NALCN: variants seen among roughly 807,000 people sequenced by gnomAD.
The protein encoded by NALCN is sodium leak channel NALCN.
A neutral mutation model predicts 225.3 loss-of-function variants in NALCN; 111 were observed. The ratio of observed to expected loss-of-function variants is 0.49; its 90% CI spans 0.42 to 0.58. The LOEUF is 0.58. Among genes scored for constraint, NALCN ranks in the 20% least tolerant of loss-of-function variants. The pLI, the probability that NALCN is intolerant of heterozygous loss-of-function variation, is 0.00. For synonymous variants in NALCN, 764 were observed against 769.0 expected (o/e 0.99, Z 0.11); for missense variants, 1,378 against 2,202.4 (o/e 0.63, Z 7.49).
chr13:101,145,056 A>G (rs564226171), intron 15 of NALCN, among the ~76,000 whole-genome samples, 160 bp from the exon 16 acceptor site: 106 of 152,332 alleles, frequency 7.0e-4, no homozygotes, highest in Middle Eastern at 3.4e-3. Flanking sequence ...CCCGCCATAA[A>G]TTGCTCTATG....
intron 12 of NALCN, among the ~76,000 whole-genome samples, chr13:101,235,193 C>T (rs1213848586): frequency 3.3e-5 from 5 of 151,904 alleles, no homozygotes; most frequent in East Asian, 1.9e-4. Context: ...GTTAAATTCG[C>T]GTTATGACTT....
intron 10 of NALCN, among the ~76,000 whole-genome samples, chr13:101,277,673 G>A (rs776575616): frequency 6.6e-5 from 10 of 152,068 alleles, no homozygotes; most frequent in African/African-American, 9.7e-5. Context: ...ATTCATCCAT[G>A]CATTTGTGTA....
chr13:101,259,004 G>T (rs920101185), intron 10 of NALCN, among the ~76,000 whole-genome samples: 4 of 152,120 alleles, frequency 2.6e-5, no homozygotes, highest in African/African-American at 9.7e-5. Context: ...TATACAACTG[G>T]AAAAGTAAGA....
At chr13:101,203,205 TC>T (rs1361404163) in intron 13 of NALCN, among the ~76,000 whole-genome samples, 1 of 151,994 alleles carries the variant, frequency 6.6e-6, no homozygotes, top group African/African-American at 2.4e-5. Flanking sequence ...GTGGTTAAAT[TC>T]CGGAATTCCT....
At chr13:101,393,665 G>A (rs1361420052) in intron 3 of NALCN, among the ~76,000 whole-genome samples, 6 of 151,824 alleles carry the variant, frequency 4.0e-5, no homozygotes, top group African/African-American at 4.8e-5. Context: ...AAATTAGCCC[G>A]GGGTGGTGGC....
chr13:101,346,057 TTC>T (rs767899309), intron 6 of NALCN, among the ~76,000 whole-genome samples: 6,028 of 75,362 alleles, frequency 0.08, 335 homozygotes, highest in East Asian at 0.24. Flanking sequence ...TTGAGAGACT[TTC>T]TCTCTCTCTC....
intron 9 of NALCN, among the ~76,000 whole-genome samples, chr13:101,287,105 G>A (rs1566533690): frequency 6.6e-6 from 1 of 151,978 alleles, no homozygotes; most frequent in Non-Finnish European, 1.5e-5. Flanking sequence ...TCAAACATAT[G>A]CCCTTGGCTA....
At chr13:101,119,225 A>C (rs1401029497) in intron 18 of NALCN, among the ~76,000 whole-genome samples, 1 of 152,246 alleles carries the variant, frequency 6.6e-6, no homozygotes, top group Non-Finnish European at 1.5e-5. Context: ...AGTAGTATAT[A>C]AGTTGTATTT....
chr13:101,263,761 C>T (rs920718866), intron 10 of NALCN, among the ~76,000 whole-genome samples: 7 of 152,132 alleles, frequency 4.6e-5, no homozygotes, highest in African/African-American at 1.7e-4. Flanking sequence ...TGACTTTCTC[C>T]AAAGCAGTAA....
chr13:101,056,997 T>C (rs533191764), intron 43 of NALCN: 8 of 152,308 alleles, frequency 5.3e-5, no homozygotes, highest in South Asian at 4.2e-4. Flanking sequence ...TTCCTGGATA[T>C]GAAAGGGGAT....
intron 7 of NALCN, among the ~76,000 whole-genome samples, chr13:101,318,009 T>C (rs543354106): frequency 1.1e-4 from 16 of 152,306 alleles, no homozygotes; most frequent in African/African-American, 3.6e-4. Flanking sequence ...AAGTACATTA[T>C]TTACAGATAT....
At chr13:101,312,306 A>C (rs2139150407) in intron 7 of NALCN, among the ~76,000 whole-genome samples, 1 of 152,256 alleles carries the variant, frequency 6.6e-6, no homozygotes, top group Admixed American at 6.5e-5. Flanking sequence ...CTTTTCAAAA[A>C]ACCAGCTCCT....
At position 101,140,471 on chromosome 13, in the gene NALCN, C is replaced by T. The variant is rs77203275; in HGVS notation, c.2118+2609G>A. ...TTACCAGTGATTTTTAAAAGCATGTCATGGTTTTGTGACTTTGGCCATAAT... is the reference window on the plus strand; with the variant it reads ...TTACCAGTGATTTTTAAAAGCATGTTATGGTTTTGTGACTTTGGCCATAAT... On this transcript the variant is annotated intron_variant, in intron 17 of 43. Transcript: ENST00000251127. Among the ~76,000 whole-genome samples, 261 of 152,280 alleles carry T rather than the reference C, an allele frequency of 1.7e-3. 4 individuals carry two copies. Among genetic ancestry groups the T allele is most frequent in the African/African-American group, 5.9e-3 (244 of 41,542 alleles).
intron 6 of NALCN, among the ~76,000 whole-genome samples, chr13:101,360,140 C>CTT (rs200024988): frequency 0.021 from 2,978 of 138,990 alleles, 124 homozygotes; most frequent in African/African-American, 0.077. Context: ...TTCTTTCTTT[C>CTT]TCTCTTTTTT....
chr13:101,236,409 C>T (rs1466618668), intron 12 of NALCN, among the ~76,000 whole-genome samples: 2 of 152,128 alleles, frequency 1.3e-5, no homozygotes, highest in South Asian at 2.1e-4. Flanking sequence ...CATCCCATTA[C>T]TGGGTATATA....
chr13:101,283,671 C>G (rs2139006568), intron 10 of NALCN, among the ~76,000 whole-genome samples: 1 of 151,878 alleles, frequency 6.6e-6, no homozygotes, highest in South Asian at 2.1e-4. Flanking sequence ...TTTCACATGT[C>G]AACAAAATTC....
chr13:101,379,102 G>A (rs766913505), intron 3 of NALCN, among the ~76,000 whole-genome samples: 24 of 151,926 alleles, frequency 1.6e-4, no homozygotes, highest in Non-Finnish European at 3.4e-4. Flanking sequence ...TGATTAAAAA[G>A]TGAAGAAGAA....
Position 101,292,221 on chromosome 13 carries a change from T to C in NALCN, c.942+3A>G. The stretch of plus-strand genomic sequence containing the variant: ...ACTTTCTTAGTACAATTCTTCGCAG[T>C]ACCTTCACAAGCCAGGCGAGGAAGA... On this transcript the variant is annotated splice_donor_region_variant and intron_variant, in intron 8 of 43. Coordinates refer to ENST00000251127, the MANE Select transcript of NALCN (RefSeq NM_052867.4). The surrounding 1 kb of genome is among the most constrained non-coding windows in gnomAD (Gnocchi z 4.3). 6.2e-7 allele frequency: 1 copy of C among 1,613,970 alleles called. No individual in the cohort carries two copies. The highest frequency in any genetic ancestry group is 2.2e-5 in the East Asian group (1 of 44,858).
intron 15 of NALCN, among the ~76,000 whole-genome samples, chr13:101,149,700 G>A (rs1222367046): frequency 6.6e-6 from 1 of 152,182 alleles, no homozygotes; most frequent in African/African-American, 2.4e-5. Context: ...TGCATTAAGG[G>A]CCAGTTAACA....
Sources: gnomAD v4.1 joint callset for allele counts (sites outside exome capture counted in the v4.1 genomes callset) on GRCh38, gnomAD v4.1.1 for gene constraint, Gnocchi (gnomAD v3.1) non-coding constraint, MANE v1.5 for transcripts, NCBI Gene and HGNC (gene_info 2026-07-23, HGNC 2026-07-21) for gene names.